Variants in GRAMD1C observed in about 807,000 individuals in gnomAD.
GRAMD1C encodes protein Aster-C.
In GRAMD1C, 89 loss-of-function variants were observed where a neutral mutation model predicts 97.8. The ratio of observed to expected loss-of-function variants is 0.91; its 90% CI spans 0.77 to 1.09. The LOEUF is 1.09. GRAMD1C is among the 50% of genes least tolerant of loss of function. The pLI, the probability that GRAMD1C is intolerant of heterozygous loss-of-function variation, is 0.00. For missense variants in GRAMD1C, 740 were observed against 766.4 expected (o/e 0.97, Z 0.41); for synonymous variants, 256 against 267.0 (o/e 0.96, Z 0.40).
At chr3:113,862,773 A>G (rs531310285) in intron 2 of GRAMD1C, among the ~76,000 whole-genome samples, 2 of 152,314 alleles carry the variant, frequency 1.3e-5, no homozygotes, top group South Asian at 2.1e-4. Flanking sequence ...GAAATTATAA[A>G]AGTATTAATT....
At chr3:113,841,860 G>A (rs955846363) in intron 1 of GRAMD1C, among the ~76,000 whole-genome samples, 4 of 151,988 alleles carry the variant, frequency 2.6e-5, no homozygotes, top group African/African-American at 9.7e-5. Context: ...ACTATGCCAG[G>A]CTAATCTTTA....
chr3:113,850,368 C>T lies in GRAMD1C; in HGVS notation c.174+5719C>T, dbSNP rs568232045. ...AAACTCCGTCTGTAGGTATCTCTGT[C>T]GGCTTCCCCTTTTGTGAGTCTTGCA... On this transcript the variant is annotated intron_variant, in intron 2 of 17. Transcript: ENST00000358160. 6.3e-5 allele frequency: 50 copies of T among 792,266 alleles called. 2 individuals are homozygous for T. The highest frequency in any genetic ancestry group is 5.4e-4 in the South Asian group (40 of 74,652). 49.1% of individuals were successfully genotyped at this position (792,266 alleles called of 1,614,324 possible).
chr3:113,875,992 C>T (rs1935014390), intron 4 of GRAMD1C, 173 bp from the exon 5 acceptor site: 2 of 511,608 alleles, frequency 3.9e-6, no homozygotes, highest in South Asian at 3.4e-5. Context: ...AACTGCTTAC[C>T]CTGTTTTTCT....
chr3:113,876,072 T>C (rs1935017880), intron 4 of GRAMD1C, 93 bp from the exon 5 acceptor site: 2 of 662,452 alleles, frequency 3.0e-6, no homozygotes, highest in Admixed American at 5.4e-5. Context: ...AACTGTGAAG[T>C]TGAATATTCT....
intron 1 of GRAMD1C, among the ~76,000 whole-genome samples, chr3:113,840,954 T>G (rs1193100638): frequency 2.0e-5 from 3 of 152,226 alleles, no homozygotes; most frequent in Non-Finnish European, 4.4e-5. Flanking sequence ...ATGGCAAGAC[T>G]GCGTACTCTA....
intron 2 of GRAMD1C, among the ~76,000 whole-genome samples, chr3:113,862,652 TTAAAG>T (rs1174364130): frequency 2.0e-5 from 3 of 152,140 alleles, no homozygotes; most frequent in Non-Finnish European, 4.4e-5. Flanking sequence ...GATTAAGAGA[TTAAAG>T]TAAAGACAGG....
At chr3:113,932,592 A>T (rs1559823126) in intron 11 of GRAMD1C, among the ~76,000 whole-genome samples, 1 of 151,950 alleles carries the variant, frequency 6.6e-6, no homozygotes, top group Non-Finnish European at 1.5e-5. Context: ...AACACTTAAA[A>T]CTCTATAAAC....
At chr3:113,908,083 C>G (rs1048426503) in intron 8 of GRAMD1C, among the ~76,000 whole-genome samples, 1 of 152,138 alleles carries the variant, frequency 6.6e-6, no homozygotes, top group Non-Finnish European at 1.5e-5. Flanking sequence ...AAACCTGTAT[C>G]CTCCCTGGAG....
intron 8 of GRAMD1C, among the ~76,000 whole-genome samples, chr3:113,907,641 T>C (rs548938224): frequency 6.6e-6 from 1 of 152,174 alleles, no homozygotes; most frequent in South Asian, 2.1e-4. Context: ...CAAAAATAAC[T>C]TTTTTCCAAG....
intron 11 of GRAMD1C, among the ~76,000 whole-genome samples, chr3:113,931,696 A>G (rs930234428): frequency 6.6e-6 from 1 of 152,164 alleles, no homozygotes; most frequent in African/African-American, 2.4e-5. Flanking sequence ...TGAGAGGCCC[A>G]GGTGGGAGGA....
chr3:113,859,271 G>A (rs886114267), intron 2 of GRAMD1C, among the ~76,000 whole-genome samples: 12 of 151,932 alleles, frequency 7.9e-5, no homozygotes, highest in Non-Finnish European at 8.8e-5. Context: ...GTTACATTAA[G>A]GTTTTAATTT....
intron 13 of GRAMD1C, among the ~76,000 whole-genome samples, chr3:113,935,497 T>TACAC (rs1477545143): frequency 6.3e-4 from 95 of 150,914 alleles, no homozygotes; most frequent in African/African-American, 2.3e-3. Flanking sequence ...AATATATATA[T>TACAC]ATATACACAC....
chr3:113,893,641 T>C (rs1327592982), intron 6 of GRAMD1C, among the ~76,000 whole-genome samples: 2 of 152,224 alleles, frequency 1.3e-5, no homozygotes, highest in African/African-American at 2.4e-5. Flanking sequence ...AAGTTCAGTC[T>C]TTACCACATA....
At chr3:113,940,470 A>G in intron 17 of GRAMD1C, 125 bp downstream of exon 17, 1 of 571,786 alleles carries the variant, frequency 1.7e-6, no homozygotes, top group Admixed American at 3.2e-5. Flanking sequence ...AGAGCCAACT[A>G]CCCCTGCCAG....
At chr3:113,889,236 C>T (rs1323872461) in intron 6 of GRAMD1C, among the ~76,000 whole-genome samples, 1 of 151,998 alleles carries the variant, frequency 6.6e-6, no homozygotes, top group Non-Finnish European at 1.5e-5. Context: ...GAATATCATT[C>T]AGTAATAAAA....
intron 2 of GRAMD1C, among the ~76,000 whole-genome samples, chr3:113,845,344 G>A (rs997478654): frequency 1.3e-5 from 2 of 152,192 alleles, no homozygotes; most frequent in Non-Finnish European, 2.9e-5. Flanking sequence ...ACAACTATAA[G>A]TGAAAATTAT....
At chr3:113,871,018 CACACAG>C (rs367581359) in intron 3 of GRAMD1C, among the ~76,000 whole-genome samples, 5,672 of 67,774 alleles carry the variant, frequency 0.084, 190 homozygotes, top group South Asian at 0.12. Flanking sequence ...CACACACACA[CACACAG>C]AGGAATATTA....
Position 113,919,265 on chromosome 3 carries a change from A to T in GRAMD1C, c.1090+3427A>T, listed in dbSNP as rs556873500. The T allele has an allele frequency of 3.5e-4, 146 of 422,378 alleles. 1 individual carries two copies. Among genetic ancestry groups the T allele is most frequent in the African/African-American group, 2.1e-3 (100 of 47,870 alleles). 26.2% of individuals were successfully genotyped at this position (422,378 alleles called of 1,614,324 possible). A position where few individuals can be genotyped will look rare whatever the true frequency, so the allele number is the denominator to read the frequency against. ...TTTTTTGGTCCAGTTTGTGAGATTG[A>T]TATGTCTTTAATGATGGAGAAGCCA... On this transcript the variant is annotated intron_variant, in intron 10 of 17. Transcript: ENST00000358160.
chr3:113,921,844 A>T (rs914524737), intron 10 of GRAMD1C, among the ~76,000 whole-genome samples: 1 of 152,010 alleles, frequency 6.6e-6, no homozygotes, highest in Non-Finnish European at 1.5e-5. Context: ...TAAGTTCCTT[A>T]TAGATTCTGG....
Sources: gnomAD v4.1 joint callset for allele counts (sites outside exome capture counted in the v4.1 genomes callset) on GRCh38, gnomAD v4.1.1 for gene constraint, MANE v1.5 for transcripts, NCBI Gene and HGNC (gene_info 2026-07-23, HGNC 2026-07-21) for gene names.